Variants in LAMA3 observed in about 807,000 individuals in gnomAD.
The protein encoded by LAMA3 is laminin subunit alpha 3.
A neutral mutation model predicts 402.0 loss-of-function variants in LAMA3; 281 were observed. The observed-to-expected ratio is 0.70, with a 90% CI of 0.63 to 0.77. The LOEUF is 0.77. Among genes scored for constraint, LAMA3 ranks in the 30% least tolerant of loss-of-function variants. The pLI, the probability that LAMA3 is intolerant of heterozygous loss-of-function variation, is 0.00. For synonymous variants in LAMA3, 1,431 were observed against 1,558.4 expected (o/e 0.92, Z 1.93); for missense variants, 3,840 against 4,215.5 (o/e 0.91, Z 2.47).
chr18:23,947,665 A>G (rs1014004807), intron 70 of LAMA3, among the ~76,000 whole-genome samples: 4 of 152,162 alleles, frequency 2.6e-5, no homozygotes, highest in Non-Finnish European at 4.4e-5. Context: ...TGCTATATGC[A>G]GTAACTTATA....
intron 67 of LAMA3, 31 bp from the exon 68 acceptor site, chr18:23,939,192 C>A: frequency 6.2e-7 from 1 of 1,609,252 alleles, no homozygotes. Context: ...ACTCTTTCCC[C>A]TGATAATTGT....
At chr18:23,849,182 C>T (rs2063890752) in intron 32 of LAMA3, among the ~76,000 whole-genome samples, 1 of 152,136 alleles carries the variant, frequency 6.6e-6, no homozygotes, top group South Asian at 2.1e-4. Flanking sequence ...CAATTCAACT[C>T]TCTATAGCAG....
At position 23,857,963 on chromosome 18, in the gene LAMA3, C is replaced by T. The variant is rs2064123556; in HGVS notation, c.4256C>T (p.Pro1419Leu). ...RDGTEPGVCD[P>L]GTGACLCKEN... ...GGGACTGAGCCAGGAGTGTGTGACC[C>T]AGGGACCGGGGCTTGCCTCTGCAAG... The change falls in exon 33 of 75, where the codon CCA becomes CTA. Residue 1419 changes from proline to leucine, a missense_variant. Coordinates refer to ENST00000313654, the MANE Select transcript of LAMA3 (RefSeq NM_198129.4). 1.2e-6 allele frequency: 2 copies of T among 1,614,056 alleles called. No individual in the cohort carries two copies. The highest frequency in any genetic ancestry group is 1.3e-5 in the African/African-American group (1 of 74,920).
rs2145504415 is a variant in LAMA3 at position 23,943,863 on chromosome 18, T to C, written c.9102T>C (p.Phe3034=). ...LVFHTGTKNS[F]MALYLSKGRL... ...TTCACACGGGCACTAAGAACTCCTT[T>C]ATGGCTCTTTATCTTTCAAAAGGAC... The change falls in exon 69 of 75, where the codon TTT becomes TTC. Residue 3034 remains phenylalanine (F), a synonymous_variant. Coordinates refer to ENST00000313654, the MANE Select transcript of LAMA3 (RefSeq NM_198129.4). 2 of 1,614,040 alleles carry C rather than the reference T, an allele frequency of 1.2e-6. No homozygotes were observed. Among genetic ancestry groups the C allele is most frequent in the East Asian group, 2.2e-5 (1 of 44,892 alleles).
chr18:23,774,664 G>T (rs774934046), intron 9 of LAMA3, among the ~76,000 whole-genome samples: 2 of 152,142 alleles, frequency 1.3e-5, no homozygotes, highest in African/African-American at 2.4e-5. Flanking sequence ...CTTTTAAGTT[G>T]TCTGGTTGTC....
At chr18:23,909,352 A>G in intron 55 of LAMA3, 57 bp downstream of exon 55, 1 of 1,506,880 alleles carries the variant, frequency 6.6e-7, no homozygotes, top group South Asian at 1.1e-5. Context: ...GAGTTATCAC[A>G]TTTATCAAGA....
At chr18:23,867,143 G>T (rs2064377673) in intron 36 of LAMA3, among the ~76,000 whole-genome samples, 1 of 152,166 alleles carries the variant, frequency 6.6e-6, no homozygotes, top group South Asian at 2.1e-4. Flanking sequence ...CCAACCCTCT[G>T]CCCTCCCCAC....
At chr18:23,865,889 G>C (rs911390387) in intron 36 of LAMA3, among the ~76,000 whole-genome samples, 1 of 152,090 alleles carries the variant, frequency 6.6e-6, no homozygotes, top group African/African-American at 2.4e-5. Context: ...AGTCTGGAAG[G>C]GTTTGATGCT....
intron 67 of LAMA3, among the ~76,000 whole-genome samples, chr18:23,936,242 T>C (rs2082309650): frequency 6.6e-6 from 1 of 151,440 alleles, no homozygotes; most frequent in African/African-American, 2.4e-5. Flanking sequence ...TTTATATATA[T>C]ATATTTTTTA....
At chr18:23,787,155 G>A (rs577243246) in intron 12 of LAMA3, among the ~76,000 whole-genome samples, 19 of 152,160 alleles carry the variant, frequency 1.2e-4, no homozygotes, top group Non-Finnish European at 1.6e-4. Context: ...GGTGGCAGGC[G>A]CCTGTAATCC....
At chr18:23,705,450 TACACAC>T (rs35025245) in intron 1 of LAMA3, among the ~76,000 whole-genome samples, 9 of 145,492 alleles carry the variant, frequency 6.2e-5, no homozygotes, top group South Asian at 2.2e-4. Context: ...TATCATGACA[TACACAC>T]ACACACACAC....
At chr18:23,953,350 GT>G (rs1253918932) in intron 74 of LAMA3, among the ~76,000 whole-genome samples, 5 of 112,112 alleles carry the variant, frequency 4.5e-5, no homozygotes, top group African/African-American at 1.3e-4. Context: ...TTTTTTTTTT[GT>G]TTTTTTTTGA....
chr18:23,723,066 T>A (rs1321007940), intron 2 of LAMA3, among the ~76,000 whole-genome samples: 3 of 152,220 alleles, frequency 2.0e-5, no homozygotes, highest in Non-Finnish European at 4.4e-5. Flanking sequence ...AAGTTGTCAT[T>A]GATCCTCTCA....
At position 23,788,877 on chromosome 18, in the gene LAMA3, G is replaced by A. The variant is rs1404045573; in HGVS notation, c.1603+4720G>A. 1.3e-5 allele frequency among the ~76,000 whole-genome samples: 2 copies of A among 151,132 alleles called. 1 individual carries two copies. The highest frequency in any genetic ancestry group is 3.9e-4 in the East Asian group (2 of 5,180). On this transcript the variant is annotated intron_variant, in intron 12 of 74. Transcript: ENST00000313654. The stretch of plus-strand genomic sequence containing the variant: ...TATTGCAAATCATATATCTGATAAG[G>A]CACTAGTATCATATACACACATATA...
At chr18:23,808,292 G>C (rs1462147961) in intron 12 of LAMA3, among the ~76,000 whole-genome samples, 1 of 151,756 alleles carries the variant, frequency 6.6e-6, no homozygotes, top group Non-Finnish European at 1.5e-5. Context: ...TAAATTTCTA[G>C]ATTACTTATA....
rs754924548 is a variant in LAMA3, at chr18:23,773,604, G to A, written c.1273+17G>A. On this transcript the variant is annotated intron_variant, in intron 9 of 74. Coordinates refer to ENST00000313654, the MANE Select transcript of LAMA3 (RefSeq NM_198129.4). ...GCTGCATCCGTAAGTTTCATTTCAA[G>A]TTGGTGTATCTTAGCCTGTGTGTAC... 10 of 1,532,538 alleles carry A rather than the reference G, an allele frequency of 6.5e-6. No individual in the cohort carries two copies. The South Asian group carries it at 1.1e-4, about 16-fold the overall frequency. 94.9% of individuals were successfully genotyped at this position (1,532,538 alleles called of 1,614,324 possible). A position where few individuals can be genotyped will look rare whatever the true frequency, so the allele number is the denominator to read the frequency against.
intron 13 of LAMA3, among the ~76,000 whole-genome samples, 190 bp downstream of exon 13, chr18:23,810,693 A>C (rs1246432572): frequency 2.6e-5 from 4 of 152,164 alleles, no homozygotes; most frequent in Non-Finnish European, 5.9e-5. Flanking sequence ...TCATATATGT[A>C]CCCTCAAAGG....
At chr18:23,951,505 A>G (rs961838261) in intron 72 of LAMA3, among the ~76,000 whole-genome samples, 179 bp from the exon 73 acceptor site, 2 of 152,188 alleles carry the variant, frequency 1.3e-5, no homozygotes, top group African/African-American at 4.8e-5. Context: ...GGGATGCAGC[A>G]GAGAGATCTC....
chr18:23,758,588 T>A, intron 7 of LAMA3, 77 bp downstream of exon 7: 2 of 1,097,824 alleles, frequency 1.8e-6, no homozygotes, highest in East Asian at 4.9e-5. Flanking sequence ...ATTTTCCCCA[T>A]GCTAGAGAAG....
Sources: gnomAD v4.1 joint callset for allele counts (sites outside exome capture counted in the v4.1 genomes callset) on GRCh38, gnomAD v4.1.1 for gene constraint, MANE v1.5 for transcripts, NCBI Gene and HGNC (gene_info 2026-07-23, HGNC 2026-07-21) for gene names.